Variants in PCDHA8 observed in about 807,000 individuals in gnomAD.
The protein encoded by PCDHA8 is protocadherin alpha 8, also known as protocadherin alpha-8.
In PCDHA8, 53 loss-of-function variants were observed where a neutral mutation model predicts 61.8. That is an observed-to-expected ratio of 0.86 (90% confidence interval 0.69 to 1.08). PCDHA8 has a LOEUF of 1.08. Ranked by LOEUF, PCDHA8 falls within the 50% of genes least tolerant of loss-of-function variation. PCDHA8 has a pLI of 0.00. For synonymous variants in PCDHA8, 618 were observed against 556.6 expected (o/e 1.11, Z -1.55); for missense variants, 1,293 against 1,245.0 (o/e 1.04, Z -0.58).
chr5:140,909,070 C>T (rs2074299054), intron 1 of PCDHA8, among the ~76,000 whole-genome samples: 1 of 152,146 alleles, frequency 6.6e-6, no homozygotes, highest in Non-Finnish European at 1.5e-5. Flanking sequence ...CACCAATAAG[C>T]CCAGTGTGTT....
chr5:140,897,086 T>TA (rs1430532398), intron 1 of PCDHA8, among the ~76,000 whole-genome samples: 12 of 152,178 alleles, frequency 7.9e-5, no homozygotes, highest in Non-Finnish European at 1.6e-4. Flanking sequence ...TTCTATTTTT[T>TA]ATCCTCATTA....
rs782096178 is a variant in PCDHA8 at position 140,876,689 on chromosome 5, CGTT to C, written c.2394+32976_2394+32978del. The C allele has an allele frequency of 6.2e-6, 10 of 1,614,110 alleles. No homozygotes were observed. The East Asian group carries it at 1.6e-4, about 25-fold the overall frequency. On this transcript the variant is annotated intron_variant, in intron 1 of 3. Coordinates refer to ENST00000531613, the MANE Select transcript of PCDHA8 (RefSeq NM_018911.3). ...GTGTCCACCTACAAGAATTACTACT[CGTT>C]GGTGCTGGACAGCGCCCTGGACCGC...
At chr5:140,882,105 A>G in intron 1 of PCDHA8, 1 of 1,349,526 alleles carries the variant, frequency 7.4e-7, no homozygotes, top group Admixed American at 2.5e-5. Flanking sequence ...GTTTCCGCGA[A>G]GAAAGCCGCC....
chr5:140,855,744 T>C, intron 1 of PCDHA8: 1 of 316,692 alleles, frequency 3.2e-6, no homozygotes, highest in Non-Finnish European at 5.8e-6. Context: ...AGACGTAATG[T>C]GAGGCTTTGA....
At chr5:140,967,475 C>T (rs555659207) in intron 1 of PCDHA8, 1 of 1,613,342 alleles carries the variant, frequency 6.2e-7, no homozygotes, top group South Asian at 1.1e-5. Context: ...CATCCCAGCC[C>T]GCTCGGGTAC....
At chr5:140,943,386 A>G (rs1245126281) in intron 1 of PCDHA8, among the ~76,000 whole-genome samples, 2 of 152,154 alleles carry the variant, frequency 1.3e-5, no homozygotes, top group African/African-American at 4.8e-5. Flanking sequence ...CAGGTAAGAA[A>G]TTATGGATAT....
intron 1 of PCDHA8, among the ~76,000 whole-genome samples, chr5:140,923,820 C>T (rs892649324): frequency 5.3e-4 from 80 of 152,224 alleles, no homozygotes; most frequent in African/African-American, 1.6e-3. Context: ...TGAAAATAGA[C>T]GTCAGTGGCA....
intron 1 of PCDHA8, chr5:140,928,452 G>C: frequency 6.2e-7 from 1 of 1,614,126 alleles, no homozygotes; most frequent in Non-Finnish European, 8.5e-7. Context: ...AGCTCAGGGG[G>C]TTTCATTTCC....
chr5:140,928,459 T>C (rs2085267166), intron 1 of PCDHA8: 1 of 1,614,106 alleles, frequency 6.2e-7, no homozygotes, highest in Non-Finnish European at 8.5e-7. Flanking sequence ...GGGGTTTCAT[T>C]TCCAAGTAGA....
At chr5:140,906,914 GC>G (rs2073038837) in intron 1 of PCDHA8, among the ~76,000 whole-genome samples, 1 of 152,182 alleles carries the variant, frequency 6.6e-6, no homozygotes, top group Admixed American at 6.5e-5. Context: ...GGTAGGAGGA[GC>G]CCAAAAAGTG....
At chr5:140,854,958 C>T (rs1554147522) in intron 1 of PCDHA8, among the ~76,000 whole-genome samples, 2 of 149,742 alleles carry the variant, frequency 1.3e-5, no homozygotes, top group African/African-American at 2.4e-5. Context: ...TTCTTAATTA[C>T]TTTATTCAGA....
intron 1 of PCDHA8, chr5:140,884,023 G>C (rs1554181067): frequency 2.5e-6 from 4 of 1,613,202 alleles, no homozygotes; most frequent in Non-Finnish European, 3.4e-6. Flanking sequence ...CGCGGTCGGT[G>C]GGTGCAGGCC....
At chr5:140,932,287 T>C (rs1259585245) in intron 1 of PCDHA8, among the ~76,000 whole-genome samples, 2 of 151,896 alleles carry the variant, frequency 1.3e-5, no homozygotes, top group Admixed American at 6.6e-5. Context: ...AAAAACTGCA[T>C]TGACAATTTT....
chr5:140,871,668 T>G (rs2053250173), intron 1 of PCDHA8: 6 of 1,174,012 alleles, frequency 5.1e-6, no homozygotes, highest in Non-Finnish European at 7.0e-6. Context: ...CTTCAGTCTT[T>G]TAATCATATG....
rs148102793 is a variant in PCDHA8 at position 140,873,087 on chromosome 5, G to A, written c.2394+29372G>A. Among the ~76,000 whole-genome samples, 818 of 152,138 alleles carry A rather than the reference G, an allele frequency of 5.4e-3. 4 individuals carry two copies. Among genetic ancestry groups the A allele is most frequent in the Middle Eastern group, 0.014 (4 of 294 alleles). On this transcript the variant is annotated intron_variant, in intron 1 of 3. Coordinates refer to ENST00000531613, the MANE Select transcript of PCDHA8 (RefSeq NM_018911.3). ...AATCATATCTAGCTATTTCCCCCCC[G>A]TATAGAGGCATAACATACCATTTGG...
At chr5:140,945,954 A>G (rs187878503) in intron 1 of PCDHA8, among the ~76,000 whole-genome samples, 130 of 152,264 alleles carry the variant, frequency 8.5e-4, no homozygotes, top group Non-Finnish European at 1.6e-3. Flanking sequence ...ATGACCCTGA[A>G]AGCACAGGCA....
At position 140,881,347 on chromosome 5, in the gene PCDHA8, C is replaced by A; in HGVS notation, c.2394+37632C>A. 3 of 985,212 alleles carry A rather than the reference C, an allele frequency of 3.0e-6. No homozygotes were observed. In the African/African-American group the frequency reaches 5.2e-5, roughly 17 times the overall value. 61.0% of individuals were successfully genotyped at this position (985,212 alleles called of 1,614,324 possible). ...TTAACCAGGACGCCGATTCGGGCTA[C>A]AATGCGTGGCTTTCGTATGAATTGC... On this transcript the variant is annotated intron_variant, in intron 1 of 3. Transcript: ENST00000531613.
At chr5:140,872,001 AC>A (rs1237580171) in intron 1 of PCDHA8, among the ~76,000 whole-genome samples, 21 of 152,320 alleles carry the variant, frequency 1.4e-4, no homozygotes, top group African/African-American at 5.1e-4. Context: ...GTGGCTATTT[AC>A]AGGTGACCTG....
intron 1 of PCDHA8, chr5:140,851,627 C>A: frequency 1.1e-6 from 1 of 918,296 alleles, no homozygotes. Context: ...GCTTTTTAAA[C>A]AAGTGTTTCC....
Sources: gnomAD v4.1 joint callset for allele counts (sites outside exome capture counted in the v4.1 genomes callset) on GRCh38, gnomAD v4.1.1 for gene constraint, MANE v1.5 for transcripts, NCBI Gene and HGNC (gene_info 2026-07-23, HGNC 2026-07-21) for gene names.